Variants in DMTF1 observed in about 807,000 individuals in gnomAD.
DMTF1 encodes the protein cyclin D binding myb like transcription factor 1.
A neutral mutation model predicts 91.1 loss-of-function variants in DMTF1; 39 were observed. That is an observed-to-expected ratio of 0.43 (90% CI 0.33 to 0.56). The LOEUF (loss-of-function observed/expected upper bound fraction) is 0.56, where lower values mean the gene tolerates loss of function less well. DMTF1 is among the 20% of genes least tolerant of loss of function. The probability of loss-of-function intolerance (pLI) is 0.05; values close to 1 mark genes in which losing one functional copy is unlikely to be tolerated. For synonymous variants in DMTF1, 338 were observed against 309.5 expected, an observed-to-expected ratio of 1.09 and a Z score of -0.97; for missense variants, 750 against 914.5, an observed-to-expected ratio of 0.82 and a Z score of 2.32.
At chr7:87,154,032 A>G (rs577042166) in intron 1 of DMTF1, among the ~76,000 whole-genome samples, 13 of 152,350 alleles carry the variant, frequency 8.5e-5, no homozygotes, top group Non-Finnish European at 1.3e-4. Flanking sequence ...AAGAATGACT[A>G]TGGCGATACA....
chr7:87,188,041 G>C, intron 12 of DMTF1, 51 bp from the exon 13 acceptor site: 6 of 1,481,382 alleles, frequency 4.1e-6, no homozygotes, highest in Non-Finnish European at 4.7e-6. Context: ...CTGCTTAGAT[G>C]GTGGTCTGTC....
chr7:87,168,197 T>C (rs951889348), intron 4 of DMTF1, among the ~76,000 whole-genome samples: 1 of 152,334 alleles, frequency 6.6e-6, no homozygotes. Flanking sequence ...CTAACTCTCA[T>C]ATTAATCATT....
At chr7:87,166,731 C>T (rs1793913526) in intron 4 of DMTF1, 126 bp downstream of exon 4, 1 of 900,464 alleles carries the variant, frequency 1.1e-6, no homozygotes, top group Non-Finnish European at 1.8e-6. Context: ...AGTCAAACCA[C>T]CTCTTTTTAG....
At chr7:87,183,203 C>G (rs1375567292) in intron 10 of DMTF1, among the ~76,000 whole-genome samples, 1 of 152,266 alleles carries the variant, frequency 6.6e-6, no homozygotes, top group Non-Finnish European at 1.5e-5. Flanking sequence ...TGCACTATCA[C>G]TGTTACCTGC....
At chr7:87,180,035 C>G (rs1797002172) in intron 8 of DMTF1, among the ~76,000 whole-genome samples, 1 of 152,002 alleles carries the variant, frequency 6.6e-6, no homozygotes, top group African/African-American at 2.4e-5. Context: ...AACATTTTTC[C>G]TATTTATTTT....
chr7:87,166,999 GA>G (rs1237449523), intron 4 of DMTF1, among the ~76,000 whole-genome samples: 1 of 151,990 alleles, frequency 6.6e-6, no homozygotes, highest in Non-Finnish European at 1.5e-5. Context: ...CCTACCCCAA[GA>G]ACCATATTTG....
intron 16 of DMTF1, chr7:87,194,482 C>A: frequency 1.9e-6 from 1 of 522,370 alleles, no homozygotes; most frequent in Non-Finnish European, 3.3e-6. Flanking sequence ...CTATAACTGA[C>A]CTAGTCCTTA....
intron 1 of DMTF1, among the ~76,000 whole-genome samples, chr7:87,161,408 A>G (rs191138597): frequency 0.011 from 1,731 of 152,334 alleles, 31 homozygotes; most frequent in African/African-American, 0.039. Context: ...AGGCTGAGGC[A>G]GGAGAATCAC....
chr7:87,193,549 T>C (rs751336074), intron 15 of DMTF1, 176 bp from the exon 16 acceptor site: 7 of 801,452 alleles, frequency 8.7e-6, no homozygotes, highest in African/African-American at 7.0e-5. Flanking sequence ...GGCTATACAT[T>C]AGAATAGGGA....
intron 9 of DMTF1, chr7:87,181,914 A>G: frequency 1.2e-6 from 1 of 863,220 alleles, no homozygotes; most frequent in Non-Finnish European, 1.6e-6. Flanking sequence ...TATGCTCAAA[A>G]GGGAAAGTCT....
Position 87,195,039 on chromosome 7 carries a change from C to T in DMTF1, c.2182C>T (p.Leu728Phe), listed in dbSNP as rs1190473812. The T allele has an allele frequency of 6.2e-7, 1 of 1,610,522 alleles. No homozygotes were observed. The highest frequency in any genetic ancestry group is 1.3e-5 in the African/African-American group (1 of 74,738). Residue 728 changes from leucine (L) to phenylalanine (F), a missense_variant, in exon 18 of 18, where the codon CTC becomes TTC. Leu to Phe is a conservative substitution (Grantham distance 22). This residue lies in a region of DMTF1 where 410 missense variants were observed against 420.2 expected (regional missense o/e 0.98). Transcript: ENST00000331242. ...CTTGAAACTCATTACAGATCCCATA[C>T]TCCAACATCATCAGGAAGAATCAAA... Reference protein sequence around the residue: ...LPLTTLTDPILQHHQEESNII... With the variant: ...LPLTTLTDPIFQHHQEESNII...
At chr7:87,166,351 A>G in intron 3 of DMTF1, 132 bp from the exon 4 acceptor site, 1 of 830,100 alleles carries the variant, frequency 1.2e-6, no homozygotes, top group South Asian at 1.8e-5. Flanking sequence ...TGTTTGCACA[A>G]CTAGGTTTAG....
chr7:87,177,560 C>G (rs1438161960), intron 7 of DMTF1, among the ~76,000 whole-genome samples: 1 of 152,078 alleles, frequency 6.6e-6, no homozygotes, highest in African/African-American at 2.4e-5. Flanking sequence ...TTTTCCTCCT[C>G]TTTAGGTGTC....
At chr7:87,169,112 TCTA>T (rs1372917524) in intron 4 of DMTF1, among the ~76,000 whole-genome samples, 4 of 152,194 alleles carry the variant, frequency 2.6e-5, no homozygotes, top group African/African-American at 9.7e-5. Context: ...CAGTTTTTCT[TCTA>T]CTGAGTCATT....
chr7:87,161,894 G>A (rs926274769), intron 1 of DMTF1, among the ~76,000 whole-genome samples: 2 of 152,056 alleles, frequency 1.3e-5, no homozygotes, highest in Non-Finnish European at 2.9e-5. Flanking sequence ...CAATTTTTTG[G>A]GAAAATATAT....
intron 7 of DMTF1, among the ~76,000 whole-genome samples, chr7:87,178,868 T>C (rs1236607495): frequency 6.6e-6 from 1 of 152,040 alleles, no homozygotes; most frequent in South Asian, 2.1e-4. Context: ...CATGTGGGCC[T>C]AGTGTTTTTA....
At chr7:87,158,724 A>G (rs1791441944) in intron 1 of DMTF1, among the ~76,000 whole-genome samples, 1 of 152,086 alleles carries the variant, frequency 6.6e-6, no homozygotes, top group African/African-American at 2.4e-5. Flanking sequence ...ATAAAAGTCA[A>G]CTGGAATTTT....
intron 8 of DMTF1, among the ~76,000 whole-genome samples, chr7:87,180,932 T>A (rs1029353170): frequency 6.6e-6 from 1 of 150,420 alleles, no homozygotes; most frequent in Admixed American, 6.7e-5. Flanking sequence ...CTTGGCTCAC[T>A]GCAACCTCTG....
At chr7:87,157,781 G>A (rs1013425535) in intron 1 of DMTF1, among the ~76,000 whole-genome samples, 1 of 150,816 alleles carries the variant, frequency 6.6e-6, no homozygotes, top group African/African-American at 2.4e-5. Flanking sequence ...GAGCTATAAG[G>A]TTATATTATA....
Sources: allele counts gnomAD v4.1 joint callset (sites outside exome capture counted in the v4.1 genomes callset), GRCh38; gene constraint gnomAD v4.1.1; regional missense constraint gnomAD v4.1.1; transcripts MANE v1.5; gene names NCBI Gene and HGNC (gene_info 2026-07-23, HGNC 2026-07-21).